Variants in CABP1 observed in about 807,000 individuals in gnomAD.
The protein encoded by CABP1 is calcium-binding protein 1.
Under a neutral mutation model 34.3 loss-of-function variants are expected in CABP1, and 17 were observed. The observed-to-expected ratio is 0.50, with a 90% CI of 0.34 to 0.74. The LOEUF (loss-of-function observed/expected upper bound fraction) is 0.74, where lower values mean the gene tolerates loss of function less well. CABP1 is among the 30% of genes least tolerant of loss of function. The probability of loss-of-function intolerance (pLI) is 0.01; values close to 1 mark genes in which losing one functional copy is unlikely to be tolerated. For missense variants in CABP1, 373 were observed against 511.1 expected (o/e 0.73, Z 2.61); for synonymous variants, 198 against 229.2 (o/e 0.86, Z 1.23).
chr12:120,668,078 C>CG (rs1881108162), downstream of CABP1, among the ~76,000 whole-genome samples: 1 of 152,176 alleles, frequency 6.6e-6, no homozygotes, highest in Non-Finnish European at 1.5e-5. Context: ...TAGGGACCTT[C>CG]GGCAGGATAT....
chr12:120,646,829 A>G (rs1262212234), intron 1 of CABP1, among the ~76,000 whole-genome samples: 1 of 152,144 alleles, frequency 6.6e-6, no homozygotes, highest in Non-Finnish European at 1.5e-5. Flanking sequence ...CCCTTTTAAA[A>G]TTTCCTACTG....
Position 120,660,337 on chromosome 12 carries a change from A to G in CABP1, c.827A>G (p.Asn276Ser). 1 of 1,612,594 alleles carries G rather than the reference A, an allele frequency of 6.2e-7. No homozygotes were observed. Among genetic ancestry groups the G allele is most frequent in the Non-Finnish European group, 8.5e-7 (1 of 1,179,818 alleles). The part of the protein sequence containing the change: ...LIELSQQINM[N>S]LGGHVDFDDF... Reference sequence around the variant, plus strand: ...GAACTGTCCCAGCAGATCAACATGAACCGTGAGTCCCTCTACCAGGCATCT... The same window carrying G: ...GAACTGTCCCAGCAGATCAACATGAGCCGTGAGTCCCTCTACCAGGCATCT... Residue 276 changes from asparagine (N) to serine (S), a missense_variant and splice_region_variant, in exon 3 of 6, where the codon AAC becomes AGC. This residue lies in a region of CABP1 where 109 missense variants were observed against 204.8 expected (regional missense o/e 0.53). Transcript: ENST00000316803. This position sits in a 1 kb window ranked among gnomAD's most constrained non-coding sequence, Gnocchi z 5.0.
In CABP1 at chr12:120,641,078, G is replaced by T; in HGVS notation, c.393G>T (p.Ala131=). Residue 131 remains alanine (A), a synonymous_variant, in exon 1 of 6, where the codon GCG becomes GCT. Coordinates refer to ENST00000316803, the MANE Select transcript of CABP1 (RefSeq NM_001033677.2). This position sits in a 1 kb window ranked among gnomAD's most constrained non-coding sequence, Gnocchi z 6.7. The part of the protein sequence containing the change: ...LCRPAPREEG[A]RGSQRVLPQA... ...GGCCGGCGCCGCGAGAGGAGGGCGC[G>T]CGGGGGAGCCAGCGTGTGCTCCCCC... The T allele has an allele frequency of 8.4e-7, 1 of 1,195,320 alleles. No individual in the cohort carries two copies. Among genetic ancestry groups the T allele is most frequent in the Non-Finnish European group, 1.0e-6 (1 of 964,596 alleles). The allele number at this position is 1,195,320 out of a possible 1,614,324, so 74.0% of individuals were successfully genotyped here.
At chr12:120,651,931 T>C (rs1879871227) in intron 1 of CABP1, among the ~76,000 whole-genome samples, 1 of 152,186 alleles carries the variant, frequency 6.6e-6, no homozygotes, top group African/African-American at 2.4e-5. Context: ...TTGTAATAGG[T>C]TCCATCCAGA....
At position 120,661,406 on chromosome 12, in the gene CABP1, C is replaced by G; in HGVS notation, c.1087+188C>G. ...CCCATCCCTTCCCCATGCATCTATT[C>G]ATGCATCTGTCCATCCATCTATCCA... On this transcript the variant is annotated intron_variant, in intron 5 of 5. Coordinates refer to ENST00000316803, the MANE Select transcript of CABP1 (RefSeq NM_001033677.2). The surrounding 1 kb of genome is among the most constrained non-coding windows in gnomAD (Gnocchi z 5.1). 1 of 597,806 alleles carries G rather than the reference C, an allele frequency of 1.7e-6. No individual in the cohort carries two copies. The highest frequency in any genetic ancestry group is 2.9e-6 in the Non-Finnish European group (1 of 343,326). 37.0% of individuals were successfully genotyped at this position (597,806 alleles called of 1,614,324 possible).
In CABP1 at chr12:120,667,229, C is replaced by T. The variant is rs1040629280; in HGVS notation, c.*329C>T. 16 of 475,924 alleles carry T rather than the reference C, an allele frequency of 3.4e-5. No homozygotes were observed. The highest frequency in any genetic ancestry group is 1.8e-4 in the Admixed American group (5 of 28,472). The allele number at this position is 475,924 out of a possible 1,614,324, so 29.5% of individuals were successfully genotyped here. ...GCCAGCAGACCCCACACAGCATGTC[C>T]GCCCCAGGGCAAAGCCTCCCACCTT... On this transcript the variant is annotated 3_prime_UTR_variant, in exon 6 of 6. Transcript: ENST00000316803.
At chr12:120,678,664 C>T in the CABP1 span, among the ~76,000 whole-genome samples, 1 of 152,156 alleles carries the variant, frequency 6.6e-6, no homozygotes, top group Non-Finnish European at 1.5e-5. Context: ...GGCCACACAG[C>T]TCTAAGAAGT....
In CABP1 at chr12:120,659,563, C is replaced by G. The variant is rs1025488750; in HGVS notation, c.655-315C>G. ...ACAGAGTGCAATGGCACCATCATAGCTCACTACAGCCTCAAACTCCTGCTG... is the reference window on the plus strand; with the variant it reads ...ACAGAGTGCAATGGCACCATCATAGGTCACTACAGCCTCAAACTCCTGCTG... On this transcript the variant is annotated intron_variant, in intron 1 of 5. Coordinates refer to ENST00000316803, the MANE Select transcript of CABP1 (RefSeq NM_001033677.2). 10 of 302,774 alleles carry G rather than the reference C, an allele frequency of 3.3e-5. No individual in the cohort carries two copies. In the Admixed American group the frequency reaches 3.7e-4, roughly 11 times the overall value. 18.8% of individuals were successfully genotyped at this position (302,774 alleles called of 1,614,324 possible).
At chr12:120,669,365 C>A (rs982721847), downstream of CABP1, among the ~76,000 whole-genome samples, 1 of 152,214 alleles carries the variant, frequency 6.6e-6, no homozygotes, top group Admixed American at 6.5e-5. Flanking sequence ...TTGGCTCCGC[C>A]CAGAGACTCC....
rs112493338 is a variant in CABP1 at position 120,660,620 on chromosome 12, GTC to G, written c.830-107_830-106del. On this transcript the variant is annotated intron_variant, in intron 3 of 5. Transcript: ENST00000316803. The surrounding 1 kb of genome is among the most constrained non-coding windows in gnomAD (Gnocchi z 5.0). Reference sequence around the variant, plus strand: ...GAGGGCTCTTGTTATTATTAAGTTTGTCTCTATCTGATGAGCAGGTCAAGGAG... The same window carrying G: ...GAGGGCTCTTGTTATTATTAAGTTTGTCTATCTGATGAGCAGGTCAAGGAG... The G allele has an allele frequency of 2.9e-5, 23 of 791,398 alleles. No homozygotes were observed. Among genetic ancestry groups the G allele is most frequent in the African/African-American group, 2.6e-4 (15 of 58,562 alleles). The allele number at this position is 791,398 out of a possible 1,614,324, so 49.0% of individuals were successfully genotyped here. A position where few individuals can be genotyped will look rare whatever the true frequency, so the allele number is the denominator to read the frequency against.
rs537028144 is a variant in CABP1, at chr12:120,649,647, C to T, written c.654+8308C>T. 2.6e-5 allele frequency among the ~76,000 whole-genome samples: 4 copies of T among 152,230 alleles called. No homozygotes were observed. In the South Asian group the frequency reaches 8.3e-4, roughly 31 times the overall value. The stretch of plus-strand genomic sequence containing the variant: ...GGCAGGGGGCGAGGAGGAGGAGGTT[C>T]AGAGACCTTTTGCTCATGCCCTCTC... On this transcript the variant is annotated intron_variant, in intron 1 of 5. Coordinates refer to ENST00000316803, the MANE Select transcript of CABP1 (RefSeq NM_001033677.2).
At chr12:120,669,474 G>A (rs1881176172), downstream of CABP1, among the ~76,000 whole-genome samples, 1 of 152,196 alleles carries the variant, frequency 6.6e-6, no homozygotes, top group African/African-American at 2.4e-5. Context: ...TGAGCCCCCA[G>A]GAACACCACT....
At chr12:120,669,889 T>G (rs945772101), downstream of CABP1, among the ~76,000 whole-genome samples, 2 of 152,220 alleles carry the variant, frequency 1.3e-5, no homozygotes, top group Admixed American at 1.3e-4. Flanking sequence ...CCTCCCCTGC[T>G]GAAGCTAGGA....
chr12:120,643,131 C>T (rs182967942), intron 1 of CABP1, among the ~76,000 whole-genome samples: 4 of 152,176 alleles, frequency 2.6e-5, no homozygotes, highest in South Asian at 2.1e-4. Context: ...GTGAATTCTC[C>T]GGCCCAATGT....
chr12:120,669,239 C>T (rs1364679459), downstream of CABP1, among the ~76,000 whole-genome samples: 2 of 152,184 alleles, frequency 1.3e-5, no homozygotes, highest in African/African-American at 2.4e-5. Flanking sequence ...CTCACGTTCC[C>T]GAGGTCAGTG....
chr12:120,655,809 G>A lies in CABP1; in HGVS notation c.655-4069G>A, dbSNP rs944549709. The A allele has an allele frequency of 9.3e-6, 14 of 1,508,882 alleles. No individual in the cohort carries two copies. The African/African-American group carries it at 1.6e-4, about 17-fold the overall frequency. 93.5% of individuals were successfully genotyped at this position (1,508,882 alleles called of 1,614,324 possible). ...CTTGGGTGTGTGATTCTGTGCATAT[G>A]TATGTGCCAGTGCGTGCGTGCGTGT... is the stretch of plus-strand genomic sequence containing the variant. On this transcript the variant is annotated intron_variant, in intron 1 of 5. Coordinates refer to ENST00000316803, the MANE Select transcript of CABP1 (RefSeq NM_001033677.2).
At position 120,641,400 on chromosome 12, in the gene CABP1, G is replaced by T. The variant is rs550621676; in HGVS notation, c.654+61G>T. 1.6e-6 allele frequency: 2 copies of T among 1,242,230 alleles called. No individual in the cohort carries two copies. Among genetic ancestry groups the T allele is most frequent in the East Asian group, 3.2e-5 (1 of 31,552 alleles). 77.0% of individuals were successfully genotyped at this position (1,242,230 alleles called of 1,614,324 possible). On this transcript the variant is annotated intron_variant, in intron 1 of 5. Coordinates refer to ENST00000316803, the MANE Select transcript of CABP1 (RefSeq NM_001033677.2). This position sits in a 1 kb window ranked among gnomAD's most constrained non-coding sequence, Gnocchi z 6.7. The stretch of plus-strand genomic sequence containing the variant: ...AGGCGCTCGGGACCCTGCCGGCCGC[G>T]GTTGCGCGTCCACAGCCTCCTCCCG...
chr12:120,660,203 A>G lies in CABP1; in HGVS notation c.693A>G (p.Arg231=). The G allele has an allele frequency of 6.2e-7, 1 of 1,614,054 alleles. No homozygotes were observed. Among genetic ancestry groups the G allele is most frequent in the Middle Eastern group, 1.6e-4 (1 of 6,062 alleles). Reference sequence around the variant, plus strand: ...CTTTGCTCACTTCCCCAGAGCTCCGAGAGGCCTTCAGAGAATTCGACAAGG... The same window carrying G: ...CTTTGCTCACTTCCCCAGAGCTCCGGGAGGCCTTCAGAGAATTCGACAAGG... The part of the protein sequence containing the change: ...SLRPEEIEEL[R]EAFREFDKDK... Residue 231 remains arginine, a synonymous_variant, in exon 3 of 6, where the codon CGA becomes CGG. Transcript: ENST00000316803. This position sits in a 1 kb window ranked among gnomAD's most constrained non-coding sequence, Gnocchi z 5.0.
chr12:120,657,256 A>C (rs1880288298), intron 1 of CABP1, among the ~76,000 whole-genome samples: 1 of 152,212 alleles, frequency 6.6e-6, no homozygotes. Context: ...GTAGCTAAAT[A>C]GTTCAAAGAG....
Sources: gnomAD v4.1 joint callset for allele counts (sites outside exome capture counted in the v4.1 genomes callset) on GRCh38, gnomAD v4.1.1 for gene constraint, gnomAD v4.1.1 regional missense constraint, Gnocchi (gnomAD v3.1) non-coding constraint, MANE v1.5 for transcripts, NCBI Gene and HGNC (gene_info 2026-07-23, HGNC 2026-07-21) for gene names.